CLVS1: variants seen among roughly 807,000 people sequenced by gnomAD.
The protein encoded by CLVS1 is clavesin 1, also known as clavesin-1.
CLVS1 carries 10 observed loss-of-function variants against 33.1 expected under a neutral mutation model. That is an observed-to-expected ratio of 0.30 (90% CI 0.19 to 0.51). CLVS1 has a LOEUF of 0.51. Among genes scored for constraint, CLVS1 ranks in the 20% least tolerant of loss-of-function variants. The pLI is 0.97. For synonymous variants in CLVS1, 163 were observed against 166.1 expected (o/e 0.98, Z 0.14); for missense variants, 343 against 433.4 (o/e 0.79, Z 1.85).
At chr8:61,486,518 C>A (rs1225280728) in intron 5 of CLVS1, among the ~76,000 whole-genome samples, 1 of 152,152 alleles carries the variant, frequency 6.6e-6, no homozygotes, top group Non-Finnish European at 1.5e-5. Context: ...ATGATTCAAA[C>A]TGAATCTCAA....
intron 3 of CLVS1, among the ~76,000 whole-genome samples, chr8:61,434,300 G>A (rs1180248277): frequency 6.6e-6 from 1 of 152,066 alleles, no homozygotes; most frequent in Non-Finnish European, 1.5e-5. Context: ...AAAGTTACAT[G>A]TAAAGAAAAA....
chr8:61,067,201 T>C (rs953258073), intron 1 of CLVS1, among the ~76,000 whole-genome samples: 1 of 151,862 alleles, frequency 6.6e-6, no homozygotes, highest in East Asian at 1.9e-4. Context: ...TTTACATTAG[T>C]TTGAATATCT....
In CLVS1 at chr8:61,120,707, A is replaced by C. The variant is rs866581489; in HGVS notation, c.-242-11063A>C. ...CTCAGGGGTCAGGGGTCAGGGACCC[A>C]CTTGAGGAGGCAGTCTGCCCGTTCT... On this transcript the variant is annotated intron_variant, in intron 1 of 2. Transcript: ENST00000522621. Among the ~76,000 whole-genome samples the C allele has an allele frequency of 1.8e-4, 26 of 142,584 alleles. 1 individual carries two copies. Among genetic ancestry groups the C allele is most frequent in the African/African-American group, 3.2e-4 (12 of 37,254 alleles). 93.5% of individuals were successfully genotyped at this position (142,584 alleles called of 152,430 possible). A position where few individuals can be genotyped will look rare whatever the true frequency, so the allele number is the denominator to read the frequency against.
chr8:61,450,739 A>G (rs529707846), intron 3 of CLVS1, among the ~76,000 whole-genome samples: 1 of 152,334 alleles, frequency 6.6e-6, no homozygotes, highest in Non-Finnish European at 1.5e-5. Context: ...AAAAATAGTT[A>G]TTACATTCAA....
chr8:61,289,713 G>C (rs1209289493), intron 1 of CLVS1, among the ~76,000 whole-genome samples: 3 of 152,304 alleles, frequency 2.0e-5, no homozygotes, highest in Non-Finnish European at 4.4e-5. Flanking sequence ...ATCTAAACCA[G>C]CTTGCTCACC....
chr8:61,045,347 C>T, the CLVS1 span, among the ~76,000 whole-genome samples: 2 of 152,308 alleles, frequency 1.3e-5, no homozygotes, highest in South Asian at 2.1e-4. Flanking sequence ...TCCAAGGGCC[C>T]ACAGAGTGTC....
chr8:61,209,316 G>A (rs1015338141), intron 2 of CLVS1, among the ~76,000 whole-genome samples: 4 of 152,200 alleles, frequency 2.6e-5, no homozygotes, highest in Non-Finnish European at 5.9e-5. Flanking sequence ...AGGCTGAATT[G>A]CCTCCAACTT....
chr8:61,291,562 G>A (rs1809993170), intron 1 of CLVS1, among the ~76,000 whole-genome samples: 1 of 152,116 alleles, frequency 6.6e-6, no homozygotes, highest in Non-Finnish European at 1.5e-5. Context: ...TTGTAGGGGG[G>A]CGTGTTAAAT....
intron 2 of CLVS1, among the ~76,000 whole-genome samples, chr8:61,316,515 A>T (rs1563492571): frequency 6.6e-6 from 1 of 152,218 alleles, no homozygotes; most frequent in Admixed American, 6.5e-5. Context: ...AGTATTACAG[A>T]ATGACCTTCA....
At chr8:61,430,170 AGT>A (rs1816057920) in intron 3 of CLVS1, among the ~76,000 whole-genome samples, 1 of 152,218 alleles carries the variant, frequency 6.6e-6, no homozygotes, top group Admixed American at 6.5e-5. Context: ...TACACAAATA[AGT>A]GTGTCAAGAC....
intron 1 of CLVS1, among the ~76,000 whole-genome samples, chr8:61,082,797 C>A (rs1805045062): frequency 6.6e-6 from 1 of 152,078 alleles, no homozygotes; most frequent in African/African-American, 2.4e-5. Context: ...GTAATCCCAG[C>A]ACTTTGGGAG....
rs35095226 is a variant in CLVS1, at chr8:61,144,633, C to G, written c.-152+12773C>G. 4.6e-3 allele frequency among the ~76,000 whole-genome samples: 694 copies of G among 152,324 alleles called. 5 individuals carry two copies. Among genetic ancestry groups the G allele is most frequent in the African/African-American group, 0.015 (637 of 41,558 alleles). ...TCTAGATCCTTGAGGAATCGCCACACTGTCTTCCACAATGGTTGAACTAAT... is the reference window on the plus strand; with the variant it reads ...TCTAGATCCTTGAGGAATCGCCACAGTGTCTTCCACAATGGTTGAACTAAT... On this transcript the variant is annotated intron_variant, in intron 2 of 2. Transcript: ENST00000522621.
At chr8:61,430,130 G>C (rs1816055640) in intron 3 of CLVS1, among the ~76,000 whole-genome samples, 2 of 152,064 alleles carry the variant, frequency 1.3e-5, no homozygotes. Flanking sequence ...TTTAAGTTGT[G>C]CCCTTAAAAC....
At chr8:61,239,642 G>A (rs1808650694) in intron 2 of CLVS1, among the ~76,000 whole-genome samples, 1 of 152,044 alleles carries the variant, frequency 6.6e-6, no homozygotes, top group Admixed American at 6.6e-5. Context: ...AGGCTGGGGT[G>A]GGAGGATTGC....
chr8:61,152,410 T>C (rs1037957857), intron 2 of CLVS1, among the ~76,000 whole-genome samples: 5 of 152,208 alleles, frequency 3.3e-5, no homozygotes, highest in African/African-American at 1.2e-4. Flanking sequence ...GGGGAATTCA[T>C]AAATAATAGA....
At chr8:61,079,284 G>GAT (rs1804980016) in intron 1 of CLVS1, among the ~76,000 whole-genome samples, 1 of 152,116 alleles carries the variant, frequency 6.6e-6, no homozygotes, top group Non-Finnish European at 1.5e-5. Context: ...AGGCTGAAGG[G>GAT]ATATGTCACA....
At chr8:61,484,133 G>C (rs1801219356) in intron 5 of CLVS1, among the ~76,000 whole-genome samples, 1 of 152,146 alleles carries the variant, frequency 6.6e-6, no homozygotes, top group Non-Finnish European at 1.5e-5. Flanking sequence ...TATTAAATTA[G>C]GAAAAGAGGA....
rs565105174 is a variant in CLVS1, at chr8:61,421,964, C to A, written c.631-32177C>A. Among the ~76,000 whole-genome samples, 125 of 152,206 alleles carry A rather than the reference C, an allele frequency of 8.2e-4. 2 individuals are homozygous for A. The highest frequency in any genetic ancestry group is 3.4e-3 in the Middle Eastern group (1 of 294). On this transcript the variant is annotated intron_variant, in intron 3 of 5. Transcript: ENST00000325897. ...TGAACACGTGAATTGAAACATCAGA[C>A]CCACATCTGAAAATATTGGGCTTTA...
chr8:60,978,744 G>A, the CLVS1 span, among the ~76,000 whole-genome samples: 1 of 149,808 alleles, frequency 6.7e-6, no homozygotes, highest in Non-Finnish European at 1.5e-5. Flanking sequence ...GAACACGGGA[G>A]GTGGAGGTTG....
Sources: allele counts gnomAD v4.1 joint callset (sites outside exome capture counted in the v4.1 genomes callset), GRCh38; gene constraint gnomAD v4.1.1; transcripts MANE v1.5; gene names NCBI Gene and HGNC (gene_info 2026-07-23, HGNC 2026-07-21).